Variants in RIC8B observed in about 807,000 individuals in gnomAD.
The protein encoded by RIC8B is RIC8 guanine nucleotide exchange factor B, also known as chaperone Ric-8B.
A neutral mutation model predicts 57.5 loss-of-function variants in RIC8B; 16 were observed. The ratio of observed to expected loss-of-function variants is 0.28; its 90% CI spans 0.19 to 0.42. The LOEUF is 0.42. RIC8B is among the 10% of genes least tolerant of loss of function. The pLI is 1.00. For synonymous variants in RIC8B, 216 were observed against 250.8 expected (o/e 0.86, Z 1.31); for missense variants, 481 against 677.0 (o/e 0.71, Z 3.21).
At chr12:106,872,985 C>G (rs1950510372) in intron 9 of RIC8B, 2 of 978,664 alleles carry the variant, frequency 2.0e-6, no homozygotes, top group Non-Finnish European at 2.4e-6. Flanking sequence ...ATCTCTATCA[C>G]AGGCACAGAA....
chr12:106,783,871 A>T (rs913150720), intron 1 of RIC8B, 126 bp from the exon 2 acceptor site: 29 of 730,420 alleles, frequency 4.0e-5, no homozygotes, highest in Non-Finnish European at 6.7e-5. Flanking sequence ...TTACTTTAAT[A>T]AGAATATTGA....
At chr12:106,835,239 T>C (rs2046544353) in intron 4 of RIC8B, among the ~76,000 whole-genome samples, 1 of 152,160 alleles carries the variant, frequency 6.6e-6, no homozygotes, top group Non-Finnish European at 1.5e-5. Flanking sequence ...CTTTTTATAA[T>C]GTCCCCACCC....
At chr12:106,876,086 T>C (rs555924104) in intron 9 of RIC8B, among the ~76,000 whole-genome samples, 1 of 152,262 alleles carries the variant, frequency 6.6e-6, no homozygotes, top group South Asian at 2.1e-4. Flanking sequence ...TAGAGCATTG[T>C]AAGATCTATT....
At chr12:106,849,167 A>G (rs1382362845) in intron 6 of RIC8B, among the ~76,000 whole-genome samples, 1 of 152,086 alleles carries the variant, frequency 6.6e-6, no homozygotes. Flanking sequence ...TGGATACCCC[A>G]TTTACCCTGA....
chr12:106,851,428 G>C lies in RIC8B; in HGVS notation c.1162-22G>C, dbSNP rs1193799414. 3 of 1,603,660 alleles carry C rather than the reference G, an allele frequency of 1.9e-6. No homozygotes were observed. In the African/African-American group the frequency reaches 4.1e-5, roughly 22 times the overall value. ...ACTCTAGTAGCCTCGATTGATGATG[G>C]TTTTTGCATTTGTGCCATCAGGTTT... On this transcript the variant is annotated intron_variant, in intron 6 of 9. Coordinates refer to ENST00000392837, the MANE Select transcript of RIC8B (RefSeq NM_001330145.2).
chr12:106,870,344 A>G, intron 8 of RIC8B, among the ~76,000 whole-genome samples: 1 of 152,106 alleles, frequency 6.6e-6, no homozygotes, highest in East Asian at 1.9e-4. Context: ...TAATGGACTA[A>G]TTTCCTGAGA....
At chr12:106,874,432 G>C (rs1425810436) in intron 9 of RIC8B, 3 of 1,361,426 alleles carry the variant, frequency 2.2e-6, no homozygotes, top group Non-Finnish European at 3.1e-6. Flanking sequence ...GGTTGGAGGT[G>C]ATGTGGCCAA....
intron 3 of RIC8B, chr12:106,822,959 A>G: frequency 6.5e-6 from 1 of 153,492 alleles, no homozygotes; most frequent in East Asian, 1.9e-4. Context: ...GAAGATGGTC[A>G]TTTGTAGGGG....
intron 1 of RIC8B, among the ~76,000 whole-genome samples, chr12:106,776,573 G>T (rs1438429030): frequency 2.0e-5 from 3 of 152,130 alleles, no homozygotes; most frequent in African/African-American, 7.2e-5. Context: ...TTCCCTTTAT[G>T]GCTAAACTAA....
chr12:106,874,028 C>G (rs1432029705), intron 9 of RIC8B, among the ~76,000 whole-genome samples: 2 of 152,150 alleles, frequency 1.3e-5, no homozygotes, highest in Non-Finnish European at 2.9e-5. Flanking sequence ...AAGCAAGTAC[C>G]AAAGAATTGC....
chr12:106,871,559 T>G (rs1593378161), intron 9 of RIC8B: 4 of 151,410 alleles, frequency 2.6e-5, no homozygotes, highest in Admixed American at 2.0e-4. Flanking sequence ...ATAACCAGTT[T>G]TGAAATAATT....
rs148578970 is a variant in RIC8B, at chr12:106,873,251, A to G, written c.1571+2309A>G. The G allele has an allele frequency of 4.3e-6, 4 of 938,832 alleles. No individual in the cohort carries two copies. In the African/African-American group the frequency reaches 5.3e-5, roughly 12 times the overall value. 58.2% of individuals were successfully genotyped at this position (938,832 alleles called of 1,614,324 possible). On this transcript the variant is annotated intron_variant, in intron 9 of 9. Coordinates refer to ENST00000392837, the MANE Select transcript of RIC8B (RefSeq NM_001330145.2). Reference sequence around the variant, plus strand: ...CTTTGATGGTATCAATTTTGCCATTAAAGTTGAAGCAAAAGGCAACCTTGA... The same window carrying G: ...CTTTGATGGTATCAATTTTGCCATTGAAGTTGAAGCAAAAGGCAACCTTGA...
intron 2 of RIC8B, among the ~76,000 whole-genome samples, chr12:106,813,877 A>G (rs1253060270): frequency 1.3e-5 from 2 of 152,208 alleles, no homozygotes; most frequent in Admixed American, 6.5e-5. Context: ...GAAAACTGAC[A>G]TTGAATTTTG....
intron 2 of RIC8B, among the ~76,000 whole-genome samples, chr12:106,797,415 A>G (rs560467584): frequency 4.1e-4 from 62 of 152,350 alleles, no homozygotes; most frequent in Middle Eastern, 3.4e-3. Flanking sequence ...CACAGATTGT[A>G]TGATTTTATT....
chr12:106,843,848 A>G lies in RIC8B; in HGVS notation c.1066-4A>G, dbSNP rs1208633036. 3.3e-6 allele frequency: 5 copies of G among 1,538,346 alleles called. No homozygotes were observed. Among genetic ancestry groups the G allele is most frequent in the Non-Finnish European group, 4.4e-6 (5 of 1,134,452 alleles). On this transcript the variant is annotated splice_polypyrimidine_tract_variant and splice_region_variant and intron_variant, in intron 5 of 9. Coordinates refer to ENST00000392837, the MANE Select transcript of RIC8B (RefSeq NM_001330145.2). Reference sequence around the variant, plus strand: ...TCAAAAACATATGGTTTTTTTTTTTATAGGGAAGCAGCTATAGAGAGGGTC... The same window carrying G: ...TCAAAAACATATGGTTTTTTTTTTTGTAGGGAAGCAGCTATAGAGAGGGTC...
intron 2 of RIC8B, among the ~76,000 whole-genome samples, chr12:106,784,729 G>T (rs1010012479): frequency 6.6e-6 from 1 of 152,182 alleles, no homozygotes; most frequent in Non-Finnish European, 1.5e-5. Context: ...AACCAAACAA[G>T]AGAGTATGAC....
Position 106,815,071 on chromosome 12 carries a change from C to T in RIC8B, c.508C>T (p.Leu170Phe). ...GTGCTTTGACTTGCGCTTGCTCTTC[C>T]TTCTGTCACTTTTGCACACCGACAT... ...IKCFDLRLLF[L>F]LSLLHTDIRS... The change falls in exon 3 of 10, where the codon CTT becomes TTT. Residue 170 changes from leucine to phenylalanine, a missense_variant. Leu to Phe is a conservative substitution (Grantham distance 22, BLOSUM62 0). Around this residue, in one of 3 missense-constraint regions of RIC8B, gnomAD observed 421 missense variants for 560.9 expected, o/e 0.75. Transcript: ENST00000392837. 1 of 1,614,240 alleles carries T rather than the reference C, an allele frequency of 6.2e-7. No homozygotes were observed. Among genetic ancestry groups the T allele is most frequent in the Non-Finnish European group, 8.5e-7 (1 of 1,180,042 alleles).
At chr12:106,868,632 G>T (rs914419960) in intron 8 of RIC8B, among the ~76,000 whole-genome samples, 3 of 152,078 alleles carry the variant, frequency 2.0e-5, no homozygotes, top group Admixed American at 6.6e-5. Flanking sequence ...CTTTGTTCTT[G>T]ACTTTTAGGA....
intron 3 of RIC8B, among the ~76,000 whole-genome samples, chr12:106,817,738 T>C (rs2136296719): frequency 6.7e-6 from 1 of 148,312 alleles, no homozygotes; most frequent in African/African-American, 2.5e-5. Context: ...GGCAGGAGAA[T>C]GGCATGAACC....
Sources: gnomAD v4.1 joint callset for allele counts (sites outside exome capture counted in the v4.1 genomes callset) on GRCh38, gnomAD v4.1.1 for gene constraint, gnomAD v4.1.1 regional missense constraint, MANE v1.5 for transcripts, NCBI Gene and HGNC (gene_info 2026-07-23, HGNC 2026-07-21) for gene names.